AFF3: variants seen among roughly 807,000 people sequenced by gnomAD.
AFF3 encodes the protein AF4/FMR2 family member 3.
In AFF3, 32 loss-of-function variants were observed where a neutral mutation model predicts 129.7. That is an observed-to-expected ratio of 0.25 (90% CI 0.19 to 0.33). AFF3 has a LOEUF of 0.33. Ranked by LOEUF, AFF3 falls within the 10% of genes least tolerant of loss-of-function variation. The pLI is 1.00. For synonymous variants in AFF3, 644 were observed against 635.4 expected (o/e 1.01, Z -0.20); for missense variants, 1,373 against 1,592.0 (o/e 0.86, Z 2.34).
intron 8 of AFF3, among the ~76,000 whole-genome samples, chr2:99,829,894 T>C (rs1427652822): frequency 6.6e-6 from 1 of 152,200 alleles, no homozygotes; most frequent in Non-Finnish European, 1.5e-5. Flanking sequence ...TGCTCATCAA[T>C]GATAGACTGG....
intron 4 of AFF3, among the ~76,000 whole-genome samples, chr2:100,030,187 A>T (rs949026356): frequency 6.6e-6 from 1 of 152,158 alleles, no homozygotes; most frequent in Non-Finnish European, 1.5e-5. Context: ...ACAATGATAC[A>T]TGTTGACACA....
At chr2:99,894,076 T>C (rs569749357) in intron 7 of AFF3, among the ~76,000 whole-genome samples, 2 of 152,222 alleles carry the variant, frequency 1.3e-5, no homozygotes, top group East Asian at 1.9e-4. Context: ...CCTTGAGTAG[T>C]AGGATATAAA....
chr2:99,591,987 CTGT>C (rs1678730461), intron 15 of AFF3, among the ~76,000 whole-genome samples: 1 of 152,196 alleles, frequency 6.6e-6, no homozygotes, highest in Non-Finnish European at 1.5e-5. Context: ...TACCTGTGAG[CTGT>C]TGTTACTGAA....
intron 1 of AFF3, among the ~76,000 whole-genome samples, chr2:100,137,796 A>T (rs1199860082): frequency 6.6e-6 from 1 of 152,134 alleles, no homozygotes; most frequent in African/African-American, 2.4e-5. Context: ...GTGTTGTGGG[A>T]CTCAGAAGAT....
rs180953360 is a variant in AFF3 at position 99,883,889 on chromosome 2, G to T, written c.874-46365C>A. 3.2e-4 allele frequency among the ~76,000 whole-genome samples: 49 copies of T among 152,324 alleles called. No homozygotes were observed. In the East Asian group the frequency reaches 7.9e-3, roughly 25 times the overall value. On this transcript the variant is annotated intron_variant, in intron 7 of 24. Transcript: ENST00000672756. ...ATTTTACCAAATTAAAAATGGTACA[G>T]ACTTTATTCTCTATTTCAGGGGCCT...
chr2:100,029,082 C>A (rs1684277309), intron 4 of AFF3, among the ~76,000 whole-genome samples: 1 of 152,106 alleles, frequency 6.6e-6, no homozygotes. Context: ...TATTATTCAA[C>A]CTTAAGAAGA....
chr2:99,666,910 C>A (rs1415868690), intron 12 of AFF3, among the ~76,000 whole-genome samples: 1 of 151,928 alleles, frequency 6.6e-6, no homozygotes, highest in Non-Finnish European at 1.5e-5. Context: ...TGAAAACAAC[C>A]CGATTGAATA....
intron 7 of AFF3, among the ~76,000 whole-genome samples, chr2:99,937,501 C>T (rs1488753423): frequency 2.0e-5 from 3 of 152,106 alleles, no homozygotes; most frequent in Non-Finnish European, 4.4e-5. Context: ...CAGGTTCAAG[C>T]GATTCTCCCG....
chr2:100,105,157 C>CGCCCGGCCCCGCCCGGCCTT, intron 3 of AFF3: 1 of 283,092 alleles, frequency 3.5e-6, no homozygotes, highest in Non-Finnish European at 5.4e-6. Flanking sequence ...CGCCCGCCCG[C>CGCCCGGCCCCGCCCGGCCTT]GCCCGGCCCC....
chr2:99,775,782 A>G (rs1276655285), intron 8 of AFF3, among the ~76,000 whole-genome samples: 1 of 152,214 alleles, frequency 6.6e-6, no homozygotes, highest in African/African-American at 2.4e-5. Context: ...CTGAAAGACG[A>G]CAACATCATT....
chr2:100,061,858 G>GGA (rs1553515737), intron 4 of AFF3, among the ~76,000 whole-genome samples: 4 of 63,914 alleles, frequency 6.3e-5, no homozygotes, highest in Admixed American at 2.4e-4. Context: ...GCACAGTGGA[G>GGA]GGGGGGGGGG....
At chr2:99,791,052 T>C (rs754978714) in intron 8 of AFF3, among the ~76,000 whole-genome samples, 4 of 152,206 alleles carry the variant, frequency 2.6e-5, no homozygotes, top group Non-Finnish European at 5.9e-5. Flanking sequence ...ACAAAGAGTA[T>C]ATTCCATCTT....
At chr2:99,669,627 T>C (rs1295820282) in intron 12 of AFF3, among the ~76,000 whole-genome samples, 2 of 152,212 alleles carry the variant, frequency 1.3e-5, no homozygotes, top group Non-Finnish European at 2.9e-5. Flanking sequence ...ATATTGGTTA[T>C]GTCATACACA....
intron 4 of AFF3, among the ~76,000 whole-genome samples, chr2:100,040,097 T>C (rs1266229732): frequency 6.6e-6 from 1 of 152,224 alleles, no homozygotes; most frequent in Non-Finnish European, 1.5e-5. Flanking sequence ...GCTTCCTCAC[T>C]GGAATTTCAT....
chr2:99,782,061 G>T (rs10174396), intron 8 of AFF3, among the ~76,000 whole-genome samples: 3 of 152,050 alleles, frequency 2.0e-5, no homozygotes, highest in African/African-American at 7.3e-5. Context: ...CACTAAAAAC[G>T]ATCGCTTCAG....
At chr2:99,697,182 C>T (rs564395621) in intron 11 of AFF3, among the ~76,000 whole-genome samples, 2 of 152,304 alleles carry the variant, frequency 1.3e-5, no homozygotes, top group South Asian at 4.1e-4. Flanking sequence ...AGAAAGCTGG[C>T]GAGGGCGTGT....
intron 11 of AFF3, among the ~76,000 whole-genome samples, chr2:99,705,471 G>C (rs1055030745): frequency 2.6e-5 from 4 of 151,950 alleles, no homozygotes; most frequent in Admixed American, 6.6e-5. Flanking sequence ...AGAGAAGCAG[G>C]CATGAATCAA....
intron 13 of AFF3, among the ~76,000 whole-genome samples, chr2:99,607,987 G>C (rs568593297): frequency 6.6e-6 from 1 of 152,286 alleles, no homozygotes; most frequent in African/African-American, 2.4e-5. Flanking sequence ...CCAACTGGCA[G>C]GACTGTTGCT....
Position 99,931,558 on chromosome 2 carries a change from T to C in AFF3, c.873+75074A>G, listed in dbSNP as rs1385203093. 3.3e-5 allele frequency among the ~76,000 whole-genome samples: 5 copies of C among 152,342 alleles called. No individual in the cohort carries two copies. The East Asian group carries it at 9.6e-4, about 29-fold the overall frequency. On this transcript the variant is annotated intron_variant, in intron 7 of 24. Coordinates refer to ENST00000672756, the MANE Select transcript of AFF3 (RefSeq NM_001386135.1). ...CATTAACTACTTAAAACAACAGTTA[T>C]TGATAGGGTACTGTTTAGAGATCAC...
Sources: gnomAD v4.1 joint callset for allele counts (sites outside exome capture counted in the v4.1 genomes callset) on GRCh38, gnomAD v4.1.1 for gene constraint, MANE v1.5 for transcripts, NCBI Gene and HGNC (gene_info 2026-07-23, HGNC 2026-07-21) for gene names.